The following ACSM1 variants were observed in gnomAD, a reference collection of about 807,000 sequenced individuals.
ACSM1 encodes the protein acyl-CoA synthetase medium chain family member 1, also known as acyl-coenzyme A synthetase ACSM1, mitochondrial.
Under a neutral mutation model 75.8 loss-of-function variants are expected in ACSM1, and 79 were observed. The observed-to-expected ratio is 1.04, with a 90% CI of 0.87 to 1.26. ACSM1 has a LOEUF of 1.26. ACSM1 is among the 50% of genes most tolerant of loss of function. The pLI is 0.00. For synonymous variants in ACSM1, 279 were observed against 265.8 expected (o/e 1.05, Z -0.48); for missense variants, 676 against 720.1 (o/e 0.94, Z 0.70).
chr16:20,654,392 C>T (rs1426793045), intron 7 of ACSM1, among the ~76,000 whole-genome samples: 2 of 152,028 alleles, frequency 1.3e-5, no homozygotes, highest in South Asian at 2.1e-4. Flanking sequence ...AAACCAAAAT[C>T]GACAAATGGG....
intron 11 of ACSM1, 129 bp downstream of exon 11, chr16:20,627,060 C>A (rs1269552713): frequency 4.0e-6 from 5 of 1,244,622 alleles, no homozygotes; most frequent in Non-Finnish European, 5.4e-6. Flanking sequence ...GGAATCAGGG[C>A]ACCATAGACA....
intron 6 of ACSM1, among the ~76,000 whole-genome samples, chr16:20,664,218 G>T (rs926225828): frequency 6.6e-5 from 10 of 151,164 alleles, no homozygotes; most frequent in Admixed American, 5.9e-4. Context: ...TGGGAAGATG[G>T]ATACAAAGAA....
intron 4 of ACSM1, among the ~76,000 whole-genome samples, chr16:20,675,006 T>C (rs2020179894): frequency 6.6e-6 from 1 of 151,948 alleles, no homozygotes; most frequent in East Asian, 1.9e-4. Context: ...GTGGAGAAAA[T>C]GGGCCGATAC....
At chr16:20,666,179 A>G (rs897937219) in intron 6 of ACSM1, among the ~76,000 whole-genome samples, 22 of 152,328 alleles carry the variant, frequency 1.4e-4, no homozygotes, top group African/African-American at 5.3e-4. Context: ...ATAGAAAAAA[A>G]GTCAAACTAT....
intron 6 of ACSM1, among the ~76,000 whole-genome samples, chr16:20,669,441 A>AACACAC (rs71149170): frequency 0.011 from 1,552 of 141,336 alleles, 16 homozygotes; most frequent in African/African-American, 0.027. Flanking sequence ...TGAGTAAGAA[A>AACACAC]ACACACACAC....
intron 7 of ACSM1, among the ~76,000 whole-genome samples, chr16:20,658,288 A>G (rs2019094100): frequency 6.6e-6 from 1 of 152,142 alleles, no homozygotes; most frequent in Admixed American, 6.5e-5. Context: ...TGACTTTTTA[A>G]TGATCGCCAT....
intron 7 of ACSM1, among the ~76,000 whole-genome samples, chr16:20,658,904 A>G (rs1331094868): frequency 6.6e-6 from 1 of 152,194 alleles, no homozygotes; most frequent in East Asian, 1.9e-4. Context: ...TAAGTAAGGT[A>G]ACCACATTGT....
intron 11 of ACSM1, among the ~76,000 whole-genome samples, chr16:20,626,870 T>A (rs1207189922): frequency 6.6e-6 from 1 of 152,098 alleles, no homozygotes; most frequent in Non-Finnish European, 1.5e-5. Flanking sequence ...GGCACAAACA[T>A]GAAATAGGCT....
intron 4 of ACSM1, chr16:20,680,373 G>A (rs1489005044): frequency 5.3e-5 from 8 of 152,166 alleles, no homozygotes; most frequent in Non-Finnish European, 1.2e-4. Flanking sequence ...ATAAGCCAGT[G>A]CCTGAGCTTC....
chr16:20,688,325 C>T (rs752446162), intron 2 of ACSM1, among the ~76,000 whole-genome samples: 1 of 151,890 alleles, frequency 6.6e-6, no homozygotes, highest in African/African-American at 2.4e-5. Flanking sequence ...ATCAAGCCAA[C>T]CAATATACCC....
intron 4 of ACSM1, chr16:20,674,393 CTGTCTT>C (rs1480865832): frequency 5.1e-6 from 1 of 197,870 alleles, no homozygotes; most frequent in African/African-American, 2.4e-5. Flanking sequence ...AATTGAATAA[CTGTCTT>C]TGTTTCTCAC....
intron 11 of ACSM1, 145 bp from the exon 12 acceptor site, chr16:20,625,667 G>C: frequency 1.5e-6 from 1 of 662,488 alleles, no homozygotes; most frequent in Non-Finnish European, 2.6e-6. Flanking sequence ...TGTGTCATGG[G>C]CCCAAAGTGT....
At chr16:20,671,490 A>C (rs970990093) in intron 5 of ACSM1, 41 bp downstream of exon 5, 2 of 1,559,714 alleles carry the variant, frequency 1.3e-6, no homozygotes, top group African/African-American at 2.8e-5. Context: ...AACTTTGCCC[A>C]CATCTGGGTC....
Position 20,624,164 on chromosome 16 carries a change from C to A in ACSM1, c.1579G>T (p.Asp527Tyr). 1 of 1,613,368 alleles carries A rather than the reference C, an allele frequency of 6.2e-7. No individual in the cohort carries two copies. The highest frequency in any genetic ancestry group is 8.5e-7 in the Non-Finnish European group (1 of 1,179,472). The change falls in exon 13 of 14, where the codon GAT becomes TAT. Residue 527 changes from aspartate (D) to tyrosine (Y), a missense_variant. Transcript: ENST00000520010. ...LTPQFLSHDKDQLTKELQQHV... is the reference protein window; with the variant it reads ...LTPQFLSHDKYQLTKELQQHV... Reference sequence around the variant, plus strand: ...TGCTGCAGTTCCTTGGTCAGCTGATCCTTGTCATGGGACAGGAACTGTGGG... The same window carrying A: ...TGCTGCAGTTCCTTGGTCAGCTGATACTTGTCATGGGACAGGAACTGTGGG...
chr16:20,655,966 A>AC (rs2018936602), intron 7 of ACSM1, among the ~76,000 whole-genome samples: 1 of 152,110 alleles, frequency 6.6e-6, no homozygotes, highest in African/African-American at 2.4e-5. Context: ...TGGCTGACTT[A>AC]TTTTTAATGC....
rs371955817 is a variant in ACSM1, at chr16:20,637,316, T to C, written c.1197+55A>G. On this transcript the variant is annotated intron_variant, in intron 9 of 13. Transcript: ENST00000520010. ...CTGGTGTTGTCACCTGGTGTCAAAT[T>C]GTCCAACCCCCGCTGAGCCCTAACT... 1.7e-4 allele frequency: 248 copies of C among 1,453,502 alleles called. 1 individual carries two copies. In the African/African-American group the frequency reaches 3.2e-3, roughly 19 times the overall value. 90.0% of individuals were successfully genotyped at this position (1,453,502 alleles called of 1,614,324 possible).
intron 4 of ACSM1, among the ~76,000 whole-genome samples, chr16:20,678,940 A>G (rs1375817017): frequency 6.6e-6 from 1 of 152,094 alleles, no homozygotes; most frequent in African/African-American, 2.4e-5. Flanking sequence ...TCTGTAGACT[A>G]GAAGAAGTAA....
chr16:20,641,541 G>T (rs374009820), intron 7 of ACSM1, among the ~76,000 whole-genome samples: 1 of 152,204 alleles, frequency 6.6e-6, no homozygotes, highest in Non-Finnish European at 1.5e-5. Context: ...TACCATCACA[G>T]GTGTTCATCA....
chr16:20,663,301 C>G (rs931592361), intron 6 of ACSM1, among the ~76,000 whole-genome samples: 4 of 152,122 alleles, frequency 2.6e-5, no homozygotes, highest in African/African-American at 9.7e-5. Flanking sequence ...CTTTTCTACC[C>G]CCATGTCCTC....
Sources: gnomAD v4.1 joint callset for allele counts (sites outside exome capture counted in the v4.1 genomes callset) on GRCh38, gnomAD v4.1.1 for gene constraint, MANE v1.5 for transcripts, NCBI Gene and HGNC (gene_info 2026-07-23, HGNC 2026-07-21) for gene names.